Variants in KCNU1 observed in about 807,000 individuals in gnomAD.
KCNU1 encodes the protein potassium channel subfamily U member 1.
In KCNU1, 93 loss-of-function variants were observed where a neutral mutation model predicts 126.8. That is an observed-to-expected ratio of 0.73 (90% CI 0.62 to 0.87). KCNU1 has a LOEUF of 0.87. Among genes scored for constraint, KCNU1 ranks in the 40% least tolerant of loss-of-function variants. The probability of loss-of-function intolerance (pLI) is 0.00; values close to 1 mark genes in which losing one functional copy is unlikely to be tolerated. For synonymous variants in KCNU1, 523 were observed against 494.2 expected (o/e 1.06, Z -0.77); for missense variants, 1,330 against 1,367.1 (o/e 0.97, Z 0.43).
chr8:36,875,771 A>G (rs2117379475), intron 19 of KCNU1, among the ~76,000 whole-genome samples: 1 of 152,272 alleles, frequency 6.6e-6, no homozygotes, highest in Admixed American at 6.5e-5. Flanking sequence ...GCTTTGCTTC[A>G]ACTGAAATAT....
intron 14 of KCNU1, among the ~76,000 whole-genome samples, chr8:36,838,438 C>G (rs1477459664): frequency 3.9e-5 from 6 of 152,136 alleles, no homozygotes; most frequent in Non-Finnish European, 7.3e-5. Context: ...CGCCTGTAAT[C>G]CCAACACTTT....
chr8:36,833,764 T>G lies in KCNU1; in HGVS notation c.1212+105T>G, dbSNP rs931982241. The G allele has an allele frequency of 1.3e-5, 8 of 636,908 alleles. No individual in the cohort carries two copies. In the African/African-American group the frequency reaches 1.5e-4, roughly 12 times the overall value. 39.5% of individuals were successfully genotyped at this position (636,908 alleles called of 1,614,324 possible). A position where few individuals can be genotyped will look rare whatever the true frequency, so the allele number is the denominator to read the frequency against. On this transcript the variant is annotated intron_variant, in intron 11 of 26. Coordinates refer to ENST00000399881, the MANE Select transcript of KCNU1 (RefSeq NM_001031836.3). ...AAAGGTATTATTTCAGCTTCTTTAA[T>G]TGGTGGAAAATATAACTTCCTCAAC...
intron 2 of KCNU1, among the ~76,000 whole-genome samples, chr8:36,797,756 G>A (rs940559393): frequency 3.3e-5 from 5 of 152,022 alleles, no homozygotes; most frequent in Non-Finnish European, 7.4e-5. Flanking sequence ...AAACAACAAT[G>A]TGGTTGAGTT....
Position 36,935,570 on chromosome 8 carries a change from T to C in KCNU1, c.3100T>C (p.Phe1034Leu). ...EFKLLPSDLV[F>L]CAIPFSTACY... ...CAAGCTGCTGCCTTCAGATCTTGTG[T>C]TTTGTGCCATACCCTTCAGCACTGC... is the stretch of plus-strand genomic sequence containing the variant. Residue 1034 changes from phenylalanine (F) to leucine (L), a missense_variant, in exon 27 of 27, where the codon TTT (phenylalanine) becomes CTT (leucine). Around this residue, in one of 3 missense-constraint regions of KCNU1, gnomAD observed 1,054 missense variants for 1,053.9 expected, o/e 1.00. Coordinates refer to ENST00000399881, the MANE Select transcript of KCNU1 (RefSeq NM_001031836.3). 1 of 1,612,884 alleles carries C rather than the reference T, an allele frequency of 6.2e-7. No individual in the cohort carries two copies. Among genetic ancestry groups the C allele is most frequent in the South Asian group, 1.1e-5 (1 of 90,982 alleles).
At chr8:36,917,517 AT>A (rs112813620) in intron 22 of KCNU1, among the ~76,000 whole-genome samples, 165 of 146,930 alleles carry the variant, frequency 1.1e-3, no homozygotes, top group East Asian at 2.2e-3. Flanking sequence ...CACCCAGCTA[AT>A]TTTTTTTTTT....
intron 4 of KCNU1, among the ~76,000 whole-genome samples, chr8:36,805,530 T>C (rs961549118): frequency 6.6e-6 from 1 of 152,196 alleles, no homozygotes; most frequent in Non-Finnish European, 1.5e-5. Context: ...GCCATCATCG[T>C]GTTCCCATGG....
intron 6 of KCNU1, among the ~76,000 whole-genome samples, chr8:36,807,757 T>C (rs1803560456): frequency 6.6e-6 from 1 of 151,236 alleles, no homozygotes; most frequent in African/African-American, 2.4e-5. Flanking sequence ...TCAAAGCAAT[T>C]CAGAGGCATT....
intron 19 of KCNU1, chr8:36,889,420 T>C: frequency 8.9e-6 from 3 of 335,360 alleles, no homozygotes; most frequent in South Asian, 4.9e-5. Context: ...CATCTTGAGC[T>C]TTTTAATTGT....
At chr8:36,899,826 C>T (rs1408349088) in intron 19 of KCNU1, among the ~76,000 whole-genome samples, 1 of 152,094 alleles carries the variant, frequency 6.6e-6, no homozygotes, top group Non-Finnish European at 1.5e-5. Context: ...TTTATTCTTT[C>T]TTTCCTCCTC....
intron 9 of KCNU1, 140 bp from the exon 10 acceptor site, chr8:36,817,499 CAAAAAAAAAAA>C (rs375306964): frequency 6.0e-5 from 14 of 234,708 alleles, no homozygotes; most frequent in Middle Eastern, 1.0e-3. Flanking sequence ...AACTCCATCT[CAAAAAAAAAAA>C]AAAAAAAAAA....
At chr8:36,898,172 C>G in intron 19 of KCNU1, among the ~76,000 whole-genome samples, 1 of 152,062 alleles carries the variant, frequency 6.6e-6, no homozygotes, top group East Asian at 1.9e-4. Flanking sequence ...AGAAACTAAG[C>G]AATATGGATA....
intron 19 of KCNU1, among the ~76,000 whole-genome samples, chr8:36,901,078 A>G (rs1374677589): frequency 6.6e-6 from 1 of 152,224 alleles, no homozygotes; most frequent in South Asian, 2.1e-4. Context: ...AAGAAAAAAA[A>G]AAGGGAATTG....
chr8:36,878,989 T>G (rs1806369849), intron 19 of KCNU1, among the ~76,000 whole-genome samples: 1 of 147,874 alleles, frequency 6.8e-6, no homozygotes, highest in South Asian at 2.1e-4. Flanking sequence ...CAGGTGAAAT[T>G]TACTTAGCAA....
At position 36,836,300 on chromosome 8, in the gene KCNU1, C is replaced by T; in HGVS notation, c.1300C>T (p.Leu434Phe). 6.3e-7 allele frequency: 1 copy of T among 1,599,636 alleles called. No individual in the cohort carries two copies. The highest frequency in any genetic ancestry group is 1.1e-5 in the South Asian group (1 of 90,798). ...GAGTGTTTGGGGTTTATATAGGGTG[C>T]TCTCTATCAAGAACTATGATTCTAC... ...AEDISNIMRV[L>F]SIKNYDSTTR... is the part of the protein sequence containing the mutation. Residue 434 changes from leucine (L) to phenylalanine (F), a missense_variant, in exon 13 of 27, where the codon CTC (leucine) becomes TTC (phenylalanine). Leu to Phe is a conservative substitution (Grantham distance 22). This residue lies in a region of KCNU1 where 1,054 missense variants were observed against 1,053.9 expected (regional missense o/e 1.00). Transcript: ENST00000399881.
intron 10 of KCNU1, among the ~76,000 whole-genome samples, chr8:36,829,045 G>A (rs951833163): frequency 6.6e-6 from 1 of 151,822 alleles, no homozygotes; most frequent in Non-Finnish European, 1.5e-5. Flanking sequence ...TGTTTACTAG[G>A]CACACATCTT....
intron 24 of KCNU1, among the ~76,000 whole-genome samples, chr8:36,926,643 G>T (rs1808542560): frequency 6.6e-6 from 1 of 152,088 alleles, no homozygotes; most frequent in African/African-American, 2.4e-5. Context: ...CAGAAGTCTG[G>T]TGCGGGAGGC....
Position 36,886,063 on chromosome 8 carries a change from C to G in KCNU1, c.2010-19645C>G, listed in dbSNP as rs539709511. On this transcript the variant is annotated intron_variant, in intron 19 of 26. Coordinates refer to ENST00000399881, the MANE Select transcript of KCNU1 (RefSeq NM_001031836.3). ...TCTTCCCGTATCCCACACATTACCA[C>G]CACACCAATAGGGCTTCAGTATCAC... 3.9e-5 allele frequency among the ~76,000 whole-genome samples: 6 copies of G among 152,244 alleles called. No homozygotes were observed. The East Asian group carries it at 1.2e-3, about 29-fold the overall frequency.
chr8:36,860,798 G>A (rs963640580), intron 18 of KCNU1, among the ~76,000 whole-genome samples: 1 of 151,944 alleles, frequency 6.6e-6, no homozygotes, highest in Non-Finnish European at 1.5e-5. Flanking sequence ...TTGGAAAGAG[G>A]GTGCAAAAAC....
At chr8:36,824,296 T>G (rs879318997) in intron 10 of KCNU1, among the ~76,000 whole-genome samples, 4 of 152,200 alleles carry the variant, frequency 2.6e-5, no homozygotes, top group Non-Finnish European at 5.9e-5. Context: ...TTACATATGG[T>G]CAGTCGTGTT....
Sources: allele counts gnomAD v4.1 joint callset (sites outside exome capture counted in the v4.1 genomes callset), GRCh38; gene constraint gnomAD v4.1.1; regional missense constraint gnomAD v4.1.1; transcripts MANE v1.5; gene names NCBI Gene and HGNC (gene_info 2026-07-23, HGNC 2026-07-21).